CCSER1: variants seen among roughly 807,000 people sequenced by gnomAD.
The protein encoded by CCSER1 is coiled-coil serine rich protein 1, also known as serine-rich coiled-coil domain-containing protein 1.
Under a neutral mutation model 82.0 loss-of-function variants are expected in CCSER1, and 41 were observed. The observed-to-expected ratio is 0.50, with a 90% CI of 0.39 to 0.65. The LOEUF (loss-of-function observed/expected upper bound fraction) is 0.65. Among genes scored for constraint, CCSER1 ranks in the 30% least tolerant of loss-of-function variants. The pLI, the probability that CCSER1 is intolerant of heterozygous loss-of-function variation, is 0.00. For missense variants in CCSER1, 1,119 were observed against 1,064.2 expected (o/e 1.05, Z -0.72); for synonymous variants, 414 against 383.9 (o/e 1.08, Z -0.92).
At chr4:90,569,146 T>C (rs1181382493) in intron 5 of CCSER1, among the ~76,000 whole-genome samples, 2 of 152,086 alleles carry the variant, frequency 1.3e-5, no homozygotes, top group African/African-American at 4.8e-5. Context: ...TTTTGCTTTG[T>C]AGTTAACATG....
Position 90,186,135 on chromosome 4 carries a change from G to A in CCSER1, c.-42+58304G>A, listed in dbSNP as rs1734574431. Reference sequence around the variant, plus strand: ...TGATCACCAAGAAATAATCTGGTTAGGATGCTGTCTTTGGGCAGTTCTACT... The same window carrying A: ...TGATCACCAAGAAATAATCTGGTTAAGATGCTGTCTTTGGGCAGTTCTACT... On this transcript the variant is annotated intron_variant, in intron 1 of 10. Transcript: ENST00000509176. Among the ~76,000 whole-genome samples, 4 of 151,968 alleles carry A rather than the reference G, an allele frequency of 2.6e-5. No individual in the cohort carries two copies. In the South Asian group the frequency reaches 8.3e-4, roughly 32 times the overall value.
intron 10 of CCSER1, among the ~76,000 whole-genome samples, chr4:91,327,293 T>C (rs1313127409): frequency 2.6e-5 from 4 of 152,202 alleles, no homozygotes; most frequent in Non-Finnish European, 5.9e-5. Flanking sequence ...ACTCCTCAAC[T>C]CTTGTCTTCT....
intron 4 of CCSER1, among the ~76,000 whole-genome samples, chr4:90,438,383 T>G (rs537570836): frequency 3.3e-5 from 5 of 152,188 alleles, no homozygotes; most frequent in Non-Finnish European, 7.4e-5. Flanking sequence ...GGCTAATTCA[T>G]TCATTATTTT....
Position 91,161,848 on chromosome 4 carries a change from G to A in CCSER1, c.2217+75854G>A, listed in dbSNP as rs761004807. On this transcript the variant is annotated intron_variant, in intron 10 of 10. Coordinates refer to ENST00000509176, the MANE Select transcript of CCSER1 (RefSeq NM_001145065.2). ...AGGAGATTTTGGGCTGAGATGATGGGGTTTTCTAAATACACAATCATGTCA... is the reference window on the plus strand; with the variant it reads ...AGGAGATTTTGGGCTGAGATGATGGAGTTTTCTAAATACACAATCATGTCA... 2.0e-5 allele frequency among the ~76,000 whole-genome samples: 3 copies of A among 152,030 alleles called. No individual in the cohort carries two copies. The East Asian group carries it at 5.8e-4, about 29-fold the overall frequency.
At chr4:90,403,746 A>G (rs1010799669) in intron 4 of CCSER1, among the ~76,000 whole-genome samples, 1 of 152,176 alleles carries the variant, frequency 6.6e-6, no homozygotes, top group Non-Finnish European at 1.5e-5. Context: ...ATTTTTGGCT[A>G]CAGAGTCTTA....
chr4:90,353,141 T>C (rs1208013452), intron 3 of CCSER1, among the ~76,000 whole-genome samples: 2 of 152,196 alleles, frequency 1.3e-5, no homozygotes, highest in Non-Finnish European at 2.9e-5. Context: ...AGGCTATATC[T>C]TAAATCTCGA....
chr4:90,271,854 ATATATATATTTTTTTTTTT>A (rs1276896874), intron 1 of CCSER1, among the ~76,000 whole-genome samples: 17 of 25,660 alleles, frequency 6.6e-4, no homozygotes, highest in African/African-American at 5.5e-3. Flanking sequence ...ATATATATAT[ATATATATATTTTTTTTTTT>A]TTTTTTTTTT....
chr4:90,780,547 A>G (rs899145493), intron 7 of CCSER1: 4 of 1,578,394 alleles, frequency 2.5e-6, no homozygotes, highest in Non-Finnish European at 3.4e-6. Context: ...TTGAAGATGA[A>G]AGGAAAGAAT....
intron 5 of CCSER1, among the ~76,000 whole-genome samples, chr4:90,481,153 G>A (rs1176852942): frequency 6.6e-6 from 1 of 152,128 alleles, no homozygotes; most frequent in Admixed American, 6.5e-5. Flanking sequence ...ATGAATGGGA[G>A]TTCACTCATG....
At chr4:90,397,621 G>T (rs1159409329) in intron 3 of CCSER1, among the ~76,000 whole-genome samples, 1 of 152,114 alleles carries the variant, frequency 6.6e-6, no homozygotes. Context: ...TTTGCATCTT[G>T]CAGTATGTAT....
intron 9 of CCSER1, among the ~76,000 whole-genome samples, chr4:91,015,911 G>A (rs1330001143): frequency 6.6e-6 from 1 of 151,860 alleles, no homozygotes; most frequent in Non-Finnish European, 1.5e-5. Context: ...AAAACATTAA[G>A]GACTAAGTTT....
At chr4:91,562,778 T>A (rs778563441) in intron 10 of CCSER1, among the ~76,000 whole-genome samples, 3 of 151,612 alleles carry the variant, frequency 2.0e-5, no homozygotes, top group Non-Finnish European at 4.4e-5. Flanking sequence ...CAAAATGATA[T>A]TGTAACGTAT....
At chr4:91,023,049 C>G (rs1428271761) in intron 9 of CCSER1, among the ~76,000 whole-genome samples, 1 of 151,906 alleles carries the variant, frequency 6.6e-6, no homozygotes, top group Non-Finnish European at 1.5e-5. Context: ...CTTTTGTTGC[C>G]ATTGCTTTTG....
At chr4:91,316,708 C>G (rs550323277) in intron 10 of CCSER1, among the ~76,000 whole-genome samples, 1 of 151,994 alleles carries the variant, frequency 6.6e-6, no homozygotes, top group African/African-American at 2.4e-5. Flanking sequence ...TCTTCTACTC[C>G]TGTCTCCTAT....
chr4:91,596,604 CAAG>C (rs1249972859), intron 10 of CCSER1, among the ~76,000 whole-genome samples: 2 of 151,788 alleles, frequency 1.3e-5, no homozygotes, highest in Non-Finnish European at 2.9e-5. Context: ...GGGAAAGAGC[CAAG>C]AAGAAGAAAG....
intron 9 of CCSER1, among the ~76,000 whole-genome samples, chr4:91,078,137 T>G (rs1361207675): frequency 6.6e-6 from 1 of 152,226 alleles, no homozygotes; most frequent in African/African-American, 2.4e-5. Flanking sequence ...ACAGACAGAC[T>G]GCCTCCTCAA....
At chr4:91,364,908 A>G (rs1361659684) in intron 10 of CCSER1, among the ~76,000 whole-genome samples, 3 of 152,112 alleles carry the variant, frequency 2.0e-5, no homozygotes, top group Non-Finnish European at 4.4e-5. Context: ...TTTCTTAAAA[A>G]TCAAGATTTA....
intron 9 of CCSER1, among the ~76,000 whole-genome samples, chr4:91,067,310 T>C (rs992532981): frequency 6.6e-6 from 1 of 151,768 alleles, no homozygotes; most frequent in African/African-American, 2.4e-5. Context: ...ACACATACAC[T>C]GGTACAATAA....
At chr4:90,162,780 T>C (rs1482530214) in intron 1 of CCSER1, among the ~76,000 whole-genome samples, 1 of 152,104 alleles carries the variant, frequency 6.6e-6, no homozygotes, top group Non-Finnish European at 1.5e-5. Context: ...CTATGGTTTA[T>C]GGAGATAGCC....
Sources: gnomAD v4.1 joint callset for allele counts (sites outside exome capture counted in the v4.1 genomes callset) on GRCh38, gnomAD v4.1.1 for gene constraint, MANE v1.5 for transcripts, NCBI Gene and HGNC (gene_info 2026-07-23, HGNC 2026-07-21) for gene names.